Variants in REC114 observed in about 807,000 individuals in gnomAD.
REC114 encodes the protein meiotic recombination protein REC114.
A neutral mutation model predicts 31.3 loss-of-function variants in REC114; 27 were observed. That is an observed-to-expected ratio of 0.86 (90% CI 0.64 to 1.19). REC114 has a LOEUF of 1.19. REC114 is among the 50% of genes most tolerant of loss of function. The pLI is 0.00. For missense variants in REC114, 344 were observed against 326.9 expected, an observed-to-expected ratio of 1.05 and a Z score of -0.40; for synonymous variants, 134 against 127.7, an observed-to-expected ratio of 1.05 and a Z score of -0.33.
chr15:73,539,022 A>G (rs998985996), intron 2 of REC114, among the ~76,000 whole-genome samples: 1 of 151,970 alleles, frequency 6.6e-6, no homozygotes, highest in African/African-American at 2.4e-5. Flanking sequence ...TACATTTGTA[A>G]TTTTGATATT....
intron 1 of REC114, among the ~76,000 whole-genome samples, chr15:73,461,710 C>T: frequency 6.6e-6 from 1 of 151,914 alleles, no homozygotes; most frequent in African/African-American, 2.4e-5. Flanking sequence ...TAGGGAGGTT[C>T]CAAATAAAGC....
In REC114 at chr15:73,549,931, A is replaced by G. The variant is rs542188178; in HGVS notation, c.334-1007A>G. Among the ~76,000 whole-genome samples the G allele has an allele frequency of 2.0e-5, 3 of 152,306 alleles. No homozygotes were observed. The East Asian group carries it at 5.8e-4, about 29-fold the overall frequency. ...AAATAGTGTAAATTATGAACAGGAAAATCAAGGACTATTTATTTGCTTATA... is the reference window on the plus strand; with the variant it reads ...AAATAGTGTAAATTATGAACAGGAAGATCAAGGACTATTTATTTGCTTATA... On this transcript the variant is annotated intron_variant, in intron 3 of 5. Coordinates refer to ENST00000331090, the MANE Select transcript of REC114 (RefSeq NM_001042367.2).
chr15:73,538,866 A>G (rs1169867123), intron 2 of REC114, among the ~76,000 whole-genome samples: 1 of 151,606 alleles, frequency 6.6e-6, no homozygotes, highest in Non-Finnish European at 1.5e-5. Context: ...TCCACCTTTG[A>G]TGCATACCTG....
intron 1 of REC114, among the ~76,000 whole-genome samples, chr15:73,467,101 A>T (rs1018591501): frequency 6.6e-6 from 1 of 152,240 alleles, no homozygotes; most frequent in Non-Finnish European, 1.5e-5. Context: ...AGTTTCCCCA[A>T]TGAACTTATA....
chr15:73,464,221 C>G (rs115385541), intron 1 of REC114, among the ~76,000 whole-genome samples: 3,837 of 151,850 alleles, frequency 0.025, 96 homozygotes, highest in African/African-American at 0.06. Flanking sequence ...AATTTGGCCT[C>G]AATAGTGTCC....
intron 2 of REC114, among the ~76,000 whole-genome samples, chr15:73,527,575 G>A (rs1351854247): frequency 6.6e-6 from 1 of 152,124 alleles, no homozygotes; most frequent in African/African-American, 2.4e-5. Flanking sequence ...GTCCTGTACT[G>A]TCTATTTTCT....
intron 3 of REC114, among the ~76,000 whole-genome samples, chr15:73,548,481 C>G (rs766075570): frequency 6.6e-6 from 1 of 152,146 alleles, no homozygotes; most frequent in African/African-American, 2.4e-5. Flanking sequence ...TATTACTGAT[C>G]ATTAGAGACA....
chr15:73,448,099 GT>G (rs112509142), intron 1 of REC114, among the ~76,000 whole-genome samples: 10,687 of 145,240 alleles, frequency 0.074, 625 homozygotes, highest in African/African-American at 0.17. Context: ...GAGTTTGTTT[GT>G]TTTTTTTTTT....
intron 1 of REC114, among the ~76,000 whole-genome samples, chr15:73,465,341 A>C (rs1567853978): frequency 6.6e-6 from 1 of 152,218 alleles, no homozygotes; most frequent in East Asian, 1.9e-4. Flanking sequence ...CTATATGAGC[A>C]CATTATGTAG....
At chr15:73,504,810 A>G (rs1410188343) in intron 2 of REC114, among the ~76,000 whole-genome samples, 2 of 152,196 alleles carry the variant, frequency 1.3e-5, no homozygotes, top group Non-Finnish European at 2.9e-5. Context: ...TAAGTTGTAT[A>G]AAAAATTTTG....
At chr15:73,514,433 C>T (rs753907123) in intron 2 of REC114, among the ~76,000 whole-genome samples, 1 of 151,992 alleles carries the variant, frequency 6.6e-6, no homozygotes, top group Non-Finnish European at 1.5e-5. Context: ...AGCTGTAGAC[C>T]GGAGCTGTTC....
At chr15:73,451,007 G>A (rs1189057855) in intron 1 of REC114, among the ~76,000 whole-genome samples, 1 of 152,180 alleles carries the variant, frequency 6.6e-6, no homozygotes, top group Non-Finnish European at 1.5e-5. Context: ...GAAATTTATA[G>A]TACTAAATGC....
chr15:73,470,307 A>C (rs1893116941), intron 1 of REC114, among the ~76,000 whole-genome samples: 1 of 152,082 alleles, frequency 6.6e-6, no homozygotes, highest in Admixed American at 6.5e-5. Flanking sequence ...ATTTAGGTAA[A>C]ATTTTTATGC....
chr15:73,447,401 C>T (rs1892779743), intron 1 of REC114, among the ~76,000 whole-genome samples: 1 of 152,026 alleles, frequency 6.6e-6, no homozygotes, highest in Non-Finnish European at 1.5e-5. Flanking sequence ...GGGGACAGAG[C>T]CCCAAAGAAG....
intron 2 of REC114, among the ~76,000 whole-genome samples, chr15:73,525,172 T>G (rs562222782): frequency 6.6e-6 from 1 of 152,322 alleles, no homozygotes; most frequent in African/African-American, 2.4e-5. Flanking sequence ...ATTACAGACA[T>G]GAGCCAAGTT....
At chr15:73,465,101 A>G (rs947208197) in intron 1 of REC114, among the ~76,000 whole-genome samples, 2 of 152,172 alleles carry the variant, frequency 1.3e-5, no homozygotes, top group South Asian at 4.1e-4. Flanking sequence ...CATCTTGGCC[A>G]GACTGGTTTC....
At chr15:73,522,070 C>A (rs1487439798) in intron 2 of REC114, among the ~76,000 whole-genome samples, 1 of 152,010 alleles carries the variant, frequency 6.6e-6, no homozygotes, top group African/African-American at 2.4e-5. Context: ...AGTAGATGAT[C>A]ATTTTGATAT....
In REC114 at chr15:73,474,051, C is replaced by T. The variant is rs146976248; in HGVS notation, c.249+130C>T. 1.6e-3 allele frequency: 1,065 copies of T among 677,216 alleles called. 8 individuals carry two copies. The African/African-American group carries it at 0.017, about 11-fold the overall frequency. 42.0% of individuals were successfully genotyped at this position (677,216 alleles called of 1,614,324 possible). Reference sequence around the variant, plus strand: ...CAAGGTCAACACATTAAGCATTTATCGAATGTGCCATAATAGTGGGAAATA... The same window carrying T: ...CAAGGTCAACACATTAAGCATTTATTGAATGTGCCATAATAGTGGGAAATA... On this transcript the variant is annotated intron_variant, in intron 2 of 5. Transcript: ENST00000331090.
chr15:73,498,182 T>G (rs1893554781), intron 2 of REC114, among the ~76,000 whole-genome samples: 1 of 152,082 alleles, frequency 6.6e-6, no homozygotes, highest in Non-Finnish European at 1.5e-5. Context: ...CGAGTTTGCT[T>G]TGTGAGTCTT....
Sources: allele counts gnomAD v4.1 joint callset (sites outside exome capture counted in the v4.1 genomes callset), GRCh38; gene constraint gnomAD v4.1.1; transcripts MANE v1.5; gene names NCBI Gene and HGNC (gene_info 2026-07-23, HGNC 2026-07-21).